The following CNTNAP2 variants were observed in gnomAD, a reference collection of about 807,000 sequenced individuals.
CNTNAP2 encodes contactin associated protein 2.
Under a neutral mutation model 155.2 loss-of-function variants are expected in CNTNAP2, and 98 were observed. The observed-to-expected ratio is 0.63, with a 90% confidence interval of 0.54 to 0.75. The LOEUF is 0.75. CNTNAP2 is among the 30% of genes least tolerant of loss of function. The probability of loss-of-function intolerance (pLI) is 0.00; values close to 1 mark genes in which losing one functional copy is unlikely to be tolerated. For synonymous variants in CNTNAP2, 651 were observed against 631.2 expected (o/e 1.03, Z -0.47); for missense variants, 1,727 against 1,688.1 (o/e 1.02, Z -0.40).
chr7:146,815,760 G>A (rs1375092798), intron 2 of CNTNAP2, among the ~76,000 whole-genome samples: 1 of 138,850 alleles, frequency 7.2e-6, no homozygotes, highest in Non-Finnish European at 1.6e-5. Flanking sequence ...AGGATATAGA[G>A]CACTTTTTTT....
At chr7:146,751,376 TTGTTAGAC>T (rs1801900885) in intron 1 of CNTNAP2, among the ~76,000 whole-genome samples, 1 of 152,122 alleles carries the variant, frequency 6.6e-6, no homozygotes, top group African/African-American at 2.4e-5. Flanking sequence ...TATTTACATA[TTGTTAGAC>T]TGTTAGAATG....
At chr7:146,758,702 A>T (rs1189799631) in intron 1 of CNTNAP2, among the ~76,000 whole-genome samples, 1 of 152,156 alleles carries the variant, frequency 6.6e-6, no homozygotes, top group Non-Finnish European at 1.5e-5. Flanking sequence ...GACCCACCCC[A>T]TGATTCAACT....
chr7:148,321,015 C>T (rs1797782629), intron 21 of CNTNAP2, among the ~76,000 whole-genome samples: 1 of 152,100 alleles, frequency 6.6e-6, no homozygotes, highest in Non-Finnish European at 1.5e-5. Context: ...GAGGTTTCTT[C>T]TAATAATGAG....
At chr7:146,176,914 C>T (rs909525524) in intron 1 of CNTNAP2, among the ~76,000 whole-genome samples, 2 of 152,158 alleles carry the variant, frequency 1.3e-5, no homozygotes, top group Non-Finnish European at 2.9e-5. Flanking sequence ...CAAGTGGCTT[C>T]ATGCCTTCAG....
chr7:147,123,772 G>A (rs1801168233), intron 6 of CNTNAP2, among the ~76,000 whole-genome samples: 2 of 152,174 alleles, frequency 1.3e-5, no homozygotes, highest in South Asian at 2.1e-4. Flanking sequence ...CAGGCATGGT[G>A]GCTCACGCCT....
intron 1 of CNTNAP2, among the ~76,000 whole-genome samples, chr7:146,344,726 C>T (rs1794794026): frequency 6.6e-6 from 1 of 152,170 alleles, no homozygotes; most frequent in Admixed American, 6.5e-5. Flanking sequence ...GATCAGCCCA[C>T]CTCGGCCTCC....
chr7:146,948,443 A>G (rs1274128062), intron 3 of CNTNAP2, among the ~76,000 whole-genome samples: 1 of 151,308 alleles, frequency 6.6e-6, no homozygotes, highest in African/African-American at 2.4e-5. Context: ...TTGTTGTGTC[A>G]TTTTCTATTA....
At chr7:147,865,653 T>C (rs1313673417) in intron 13 of CNTNAP2, among the ~76,000 whole-genome samples, 2 of 152,182 alleles carry the variant, frequency 1.3e-5, no homozygotes, top group Non-Finnish European at 2.9e-5. Context: ...GGTTTAGTGT[T>C]GGGAGGGTGT....
rs561753311 is a variant in CNTNAP2, at chr7:147,953,644, G to A, written c.2256-24218G>A. On this transcript the variant is annotated intron_variant, in intron 14 of 23. Transcript: ENST00000361727. ...AGTATCCTAGGGCTGCAGCAACAAA[G>A]TACCATAAACAGAGTAGCCTAAAGC... 4.6e-5 allele frequency among the ~76,000 whole-genome samples: 7 copies of A among 152,300 alleles called. No individual in the cohort carries two copies. In the South Asian group the frequency reaches 1.0e-3, roughly 23 times the overall value.
intron 3 of CNTNAP2, among the ~76,000 whole-genome samples, chr7:146,861,840 A>G (rs1190441831): frequency 1.3e-5 from 2 of 152,172 alleles, no homozygotes; most frequent in Admixed American, 1.3e-4. Context: ...AAATATTTAA[A>G]AGATATCGTA....
intron 3 of CNTNAP2, among the ~76,000 whole-genome samples, chr7:146,867,741 T>C (rs1055192071): frequency 6.6e-6 from 1 of 151,448 alleles, no homozygotes; most frequent in African/African-American, 2.4e-5. Context: ...TATCTCATTG[T>C]GGTTTTGATT....
intron 12 of CNTNAP2, among the ~76,000 whole-genome samples, chr7:147,619,259 G>A (rs73468965): frequency 0.09 from 13,699 of 152,188 alleles, 1,712 homozygotes; most frequent in African/African-American, 0.26. Context: ...AGTAGTTTCT[G>A]TTTGCATTAT....
intron 9 of CNTNAP2, among the ~76,000 whole-genome samples, chr7:147,393,874 ATAGGAGATTCAAATGACAGT>A (rs1320478277): frequency 6.6e-6 from 1 of 152,084 alleles, no homozygotes; most frequent in African/African-American, 2.4e-5. Flanking sequence ...ATTAATCCTT[ATAGGAGATTCAAATGACAGT>A]TATTGGACTT....
intron 12 of CNTNAP2, among the ~76,000 whole-genome samples, chr7:147,592,036 G>A (rs1009803776): frequency 3.2e-4 from 49 of 152,116 alleles, no homozygotes; most frequent in African/African-American, 1.0e-3. Context: ...TTCTTCCTCT[G>A]TCTCCCAGGT....
At chr7:146,884,727 A>G (rs1455129258) in intron 3 of CNTNAP2, among the ~76,000 whole-genome samples, 1 of 152,168 alleles carries the variant, frequency 6.6e-6, no homozygotes, top group African/African-American at 2.4e-5. Flanking sequence ...AACTGGGGCC[A>G]AAATGCTGAT....
At chr7:146,299,184 T>C (rs921769751) in intron 1 of CNTNAP2, among the ~76,000 whole-genome samples, 2 of 151,982 alleles carry the variant, frequency 1.3e-5, no homozygotes, top group African/African-American at 4.8e-5. Context: ...GCCAGGAGAA[T>C]TGCTTGAACC....
chr7:148,312,331 T>G (rs1160769662), intron 21 of CNTNAP2, among the ~76,000 whole-genome samples: 1 of 152,164 alleles, frequency 6.6e-6, no homozygotes, highest in Non-Finnish European at 1.5e-5. Flanking sequence ...AAAGCACGTG[T>G]GTTTTTATGA....
chr7:147,213,122 T>C (rs1244738540), intron 8 of CNTNAP2, among the ~76,000 whole-genome samples: 2 of 152,142 alleles, frequency 1.3e-5, no homozygotes, highest in Non-Finnish European at 2.9e-5. Flanking sequence ...ATCCGCTCTC[T>C]ACAAATTGAA....
intron 3 of CNTNAP2, among the ~76,000 whole-genome samples, chr7:147,042,466 A>G (rs1799278344): frequency 6.6e-6 from 1 of 152,266 alleles, no homozygotes; most frequent in Admixed American, 6.5e-5. Context: ...GGGTTGGATA[A>G]CAGATCTACT....
Sources: allele counts gnomAD v4.1 joint callset (sites outside exome capture counted in the v4.1 genomes callset), GRCh38; gene constraint gnomAD v4.1.1; transcripts MANE v1.5; gene names NCBI Gene and HGNC (gene_info 2026-07-23, HGNC 2026-07-21).